The following RAF1 variants were observed in gnomAD, a reference collection of about 807,000 sequenced individuals.
The protein encoded by RAF1 is Raf-1 proto-oncogene, serine/threonine kinase.
A neutral mutation model predicts 81.1 loss-of-function variants in RAF1; 27 were observed. The ratio of observed to expected loss-of-function variants is 0.33; its 90% confidence interval spans 0.25 to 0.46. RAF1 has a LOEUF of 0.46. Among genes scored for constraint, RAF1 ranks in the 20% least tolerant of loss-of-function variants. RAF1 has a pLI of 1.00. For synonymous variants in RAF1, 298 were observed against 294.0 expected (o/e 1.01, Z -0.14); for missense variants, 598 against 826.0 (o/e 0.72, Z 3.38).
At chr3:12,606,364 G>A in intron 5 of RAF1, 65 bp from the exon 6 acceptor site, 1 of 1,276,136 alleles carries the variant, frequency 7.8e-7, no homozygotes, top group African/African-American at 1.5e-5. Flanking sequence ...CAATCAGCAT[G>A]CCTTGCTTTT....
At chr3:12,623,239 A>T (rs977555733) in intron 1 of RAF1, among the ~76,000 whole-genome samples, 4 of 152,144 alleles carry the variant, frequency 2.6e-5, no homozygotes, top group African/African-American at 4.8e-5. Flanking sequence ...ATTGGAATTG[A>T]CTGATTCCAA....
At chr3:12,606,718 A>G (rs2059042389) in intron 5 of RAF1, among the ~76,000 whole-genome samples, 2 of 151,684 alleles carry the variant, frequency 1.3e-5, no homozygotes, top group African/African-American at 2.4e-5. Context: ...TTTTTTTTTA[A>G]TTATACTTTA....
At chr3:12,597,475 TG>T (rs2058721586) in intron 11 of RAF1, among the ~76,000 whole-genome samples, 1 of 152,230 alleles carries the variant, frequency 6.6e-6, no homozygotes, top group African/African-American at 2.4e-5. Flanking sequence ...AATGTTCTAA[TG>T]CTAACAGAAG....
intron 1 of RAF1, among the ~76,000 whole-genome samples, chr3:12,646,331 A>G (rs1264309991): frequency 6.6e-6 from 1 of 152,038 alleles, no homozygotes; most frequent in Non-Finnish European, 1.5e-5. Context: ...CAAATGGATA[A>G]AGAATTAAGA....
chr3:12,641,002 G>A (rs1436355034), intron 1 of RAF1, among the ~76,000 whole-genome samples: 3 of 152,172 alleles, frequency 2.0e-5, no homozygotes, highest in Non-Finnish European at 4.4e-5. Context: ...AGAAAATGTG[G>A]CACATATACA....
At chr3:12,636,813 AAAAG>A (rs374013730) in intron 1 of RAF1, among the ~76,000 whole-genome samples, 3 of 152,260 alleles carry the variant, frequency 2.0e-5, no homozygotes, top group East Asian at 1.9e-4. Flanking sequence ...TCTCAAAAAA[AAAAG>A]AAAGAAAGAA....
At chr3:12,617,109 A>C (rs555639199) in intron 2 of RAF1, among the ~76,000 whole-genome samples, 1 of 151,130 alleles carries the variant, frequency 6.6e-6, no homozygotes, top group Non-Finnish European at 1.5e-5. Context: ...GCCCGGCTAC[A>C]TTTTTGTTGT....
intron 1 of RAF1, among the ~76,000 whole-genome samples, chr3:12,633,862 G>T (rs1329441441): frequency 6.7e-6 from 1 of 149,500 alleles, no homozygotes; most frequent in Non-Finnish European, 1.5e-5. Flanking sequence ...TTGAACCCAG[G>T]AGGCAGAGAT....
chr3:12,654,476 C>T (rs964391951), intron 1 of RAF1, among the ~76,000 whole-genome samples: 1 of 151,710 alleles, frequency 6.6e-6, no homozygotes, highest in Non-Finnish European at 1.5e-5. Context: ...GTGGCACACA[C>T]CTGTAGTCCC....
At chr3:12,584,748 C>T (rs1189332682) in intron 17 of RAF1, 91 bp from the exon 17 acceptor site, 2 of 1,612,720 alleles carry the variant, frequency 1.2e-6, no homozygotes, top group Admixed American at 1.7e-5. Flanking sequence ...GGACCTGGGT[C>T]CCCTCCCTAT....
chr3:12,655,766 GCCA>G (rs1283425423), intron 1 of RAF1, among the ~76,000 whole-genome samples: 3 of 151,950 alleles, frequency 2.0e-5, no homozygotes, highest in Admixed American at 6.6e-5. Context: ...ACAGATACAT[GCCA>G]CCACCACATG....
chr3:12,605,310 C>T (rs569800916), intron 6 of RAF1, among the ~76,000 whole-genome samples: 2 of 129,732 alleles, frequency 1.5e-5, no homozygotes, highest in Admixed American at 7.7e-5. Flanking sequence ...TTTTTGGAGA[C>T]AGAGTCTTGC....
At position 12,612,113 on chromosome 3, in the gene RAF1, G is replaced by A. The variant is rs923525966; in HGVS notation, c.208-51C>T. Reference sequence around the variant, plus strand: ...ACCAACACAGGCTGCAGCACCCCTTGGAAAGGTGGGCACAGAAATAAATGC... The same window carrying A: ...ACCAACACAGGCTGCAGCACCCCTTAGAAAGGTGGGCACAGAAATAAATGC... On this transcript the variant is annotated intron_variant, in intron 2 of 17. Transcript: ENST00000442415. 2.8e-6 allele frequency: 4 copies of A among 1,412,608 alleles called. No individual in the cohort carries two copies. In the South Asian group the frequency reaches 3.4e-5, roughly 12 times the overall value. 87.5% of individuals were successfully genotyped at this position (1,412,608 alleles called of 1,614,324 possible).
intron 1 of RAF1, among the ~76,000 whole-genome samples, chr3:12,643,115 C>G (rs2060243639): frequency 6.6e-6 from 1 of 152,162 alleles, no homozygotes; most frequent in South Asian, 2.1e-4. Context: ...ACAACTCCCA[C>G]CCATAACACT....
At chr3:12,590,106 TAAAA>T (rs35204864) in intron 13 of RAF1, 4 of 147,222 alleles carry the variant, frequency 2.7e-5, no homozygotes, top group African/African-American at 1.0e-4. Context: ...AGTTTTTAAT[TAAAA>T]AAAAAAAATT....
At chr3:12,617,197 C>G (rs1169014552) in intron 2 of RAF1, among the ~76,000 whole-genome samples, 1 of 152,194 alleles carries the variant, frequency 6.6e-6, no homozygotes, top group Non-Finnish European at 1.5e-5. Context: ...ACTGCAACCT[C>G]TGCCTCCCGG....
intron 11 of RAF1, among the ~76,000 whole-genome samples, chr3:12,594,817 G>C (rs1239862393): frequency 6.6e-6 from 1 of 152,116 alleles, no homozygotes; most frequent in Admixed American, 6.5e-5. Flanking sequence ...GACTGAACAG[G>C]GTCAACCAAA....
rs764168570 is a variant in RAF1 at position 12,608,879 on chromosome 3, C to T, written c.468G>A (p.Gln156=). 9.9e-6 allele frequency: 16 copies of T among 1,614,026 alleles called. No individual in the cohort carries two copies. The highest frequency in any genetic ancestry group is 1.3e-5 in the Non-Finnish European group (15 of 1,180,014). Residue 156 remains glutamine, a synonymous_variant, in exon 5 of 18, where the codon CAG becomes CAA. Transcript: ENST00000442415. ...ATCGAAATCCATTGAGCAGGAATTT[C>T]TGACAGATGTCACAGAAGGCAAGCT...
chr3:12,605,974 C>T lies in RAF1; in HGVS notation c.680+227G>A, dbSNP rs536479585. 1.2e-4 allele frequency among the ~76,000 whole-genome samples: 19 copies of T among 152,248 alleles called. No homozygotes were observed. In the South Asian group the frequency reaches 3.9e-3, roughly 32 times the overall value. Reference sequence around the variant, plus strand: ...CATATTAAGAAATATGCTATGATAACAGAAGAAGCTACAGTCAAAGTCACT... The same window carrying T: ...CATATTAAGAAATATGCTATGATAATAGAAGAAGCTACAGTCAAAGTCACT... On this transcript the variant is annotated intron_variant, in intron 6 of 17. Transcript: ENST00000442415.
Sources: gnomAD v4.1 joint callset for allele counts (sites outside exome capture counted in the v4.1 genomes callset) on GRCh38, gnomAD v4.1.1 for gene constraint, MANE v1.5 for transcripts, NCBI Gene and HGNC (gene_info 2026-07-23, HGNC 2026-07-21) for gene names.